HJURP: variants seen among roughly 807,000 people sequenced by gnomAD.
HJURP encodes 14-3-3-associated AKT substrate.
A neutral mutation model predicts 72.0 loss-of-function variants in HJURP; 49 were observed. The observed-to-expected ratio is 0.68, with a 90% CI of 0.54 to 0.86. HJURP has a LOEUF of 0.86. Ranked by LOEUF, HJURP falls within the 40% of genes least tolerant of loss-of-function variation. The pLI is 0.00. For synonymous variants in HJURP, 357 were observed against 347.1 expected, an observed-to-expected ratio of 1.03 and a Z score of -0.32; for missense variants, 908 against 936.3, an observed-to-expected ratio of 0.97 and a Z score of 0.39.
At chr2:233,850,011 A>G in intron 3 of HJURP, 152 bp from the exon 4 acceptor site, 2 of 612,954 alleles carry the variant, frequency 3.3e-6, no homozygotes, top group South Asian at 1.9e-5. Flanking sequence ...TGTCCACTTT[A>G]TAAGAGGCCT....
rs1005049958 is a variant in HJURP at position 233,837,768 on chromosome 2, A to G, written c.2172-116T>C. The G allele has an allele frequency of 1.6e-5, 11 of 691,542 alleles. No homozygotes were observed. In the African/African-American group the frequency reaches 2.0e-4, roughly 12 times the overall value. 42.8% of individuals were successfully genotyped at this position (691,542 alleles called of 1,614,324 possible). ...TTCCATTGCATGTATAAAAATACTT[A>G]TAGAAAGTGGCATTACGTTAAATAA... On this transcript the variant is annotated intron_variant, in intron 8 of 8. Transcript: ENST00000411486.
intron 5 of HJURP, among the ~76,000 whole-genome samples, chr2:233,847,063 C>T (rs779788913): frequency 1.3e-5 from 2 of 152,190 alleles, no homozygotes; most frequent in African/African-American, 4.8e-5. Context: ...GGAGACTGAC[C>T]GAGAGCCCAG....
Position 233,847,469 on chromosome 2 carries a change from T to C in HJURP, c.338-8A>G, listed in dbSNP as rs758251793. 6.8e-6 allele frequency: 11 copies of C among 1,612,520 alleles called. No homozygotes were observed. The highest frequency in any genetic ancestry group is 9.3e-6 in the Non-Finnish European group (11 of 1,178,522). On this transcript the variant is annotated splice_polypyrimidine_tract_variant and splice_region_variant and intron_variant, in intron 4 of 8. Coordinates refer to ENST00000411486, the MANE Select transcript of HJURP (RefSeq NM_018410.5). ...CCTCACCGCTTTTTGAATCTAAAAG[T>C]CAAACAAGTAAATCTCAATCAGGAT...
intron 8 of HJURP, among the ~76,000 whole-genome samples, chr2:233,840,242 A>T (rs1221977900): frequency 2.0e-5 from 3 of 152,204 alleles, no homozygotes. Context: ...TTCGCCTTAC[A>T]ACAGCTATTT....
chr2:233,844,410 G>T, intron 6 of HJURP, 127 bp from the exon 7 acceptor site: 1 of 709,962 alleles, frequency 1.4e-6, no homozygotes. Context: ...GCGTGTGAAT[G>T]TGGTGACAGT....
intron 7 of HJURP, among the ~76,000 whole-genome samples, chr2:233,843,433 C>T (rs1705281008): frequency 6.6e-6 from 1 of 152,150 alleles, no homozygotes; most frequent in African/African-American, 2.4e-5. Flanking sequence ...GACAGACTGA[C>T]CAAATGTTCT....
At chr2:233,854,325 C>T (rs1705565577) in intron 1 of HJURP, 59 bp downstream of exon 1, 1 of 1,267,194 alleles carries the variant, frequency 7.9e-7, no homozygotes, top group Non-Finnish European at 1.1e-6. Context: ...CCTACGTCCC[C>T]TCCCAGCCTC....
At chr2:233,852,672 T>C in intron 2 of HJURP, 52 bp from the exon 3 acceptor site, 1 of 1,310,776 alleles carries the variant, frequency 7.6e-7, no homozygotes, top group Non-Finnish European at 1.1e-6. Flanking sequence ...ACGCTGAACT[T>C]CTGCTCAATC....
chr2:233,848,334 G>A (rs1357765722), intron 4 of HJURP, among the ~76,000 whole-genome samples: 1 of 152,216 alleles, frequency 6.6e-6, no homozygotes, highest in Non-Finnish European at 1.5e-5. Flanking sequence ...CCCGGGGGCA[G>A]CAAGGAGGCC....
At chr2:233,845,905 T>C in intron 5 of HJURP, 85 bp from the exon 6 acceptor site, 2 of 826,528 alleles carry the variant, frequency 2.4e-6, no homozygotes, top group Admixed American at 2.0e-5. Context: ...GGCAAGCTCA[T>C]TAATGTACAA....
rs777716149 is a variant in HJURP, at chr2:233,854,501, C to T, written c.-1G>A. The T allele has an allele frequency of 3.1e-6, 5 of 1,607,824 alleles. No homozygotes were observed. Among genetic ancestry groups the T allele is most frequent in the Non-Finnish European group, 3.4e-6 (4 of 1,176,508 alleles). ...CCATGGCGCGCAGCGTACCCAGCAT[C>T]GGACCCAGCCAGTACCCAAGCGCCA... On this transcript the variant is annotated 5_prime_UTR_variant, in exon 1 of 9. Coordinates refer to ENST00000411486, the MANE Select transcript of HJURP (RefSeq NM_018410.5).
chr2:233,846,031 A>AC lies in HJURP; in HGVS notation c.403-212_403-211insG, dbSNP rs397687348. The AC allele has an allele frequency of 7.4e-3, 3,640 of 491,950 alleles. 110 individuals carry two copies. The highest frequency in any genetic ancestry group is 0.061 in the African/African-American group (3,187 of 51,870). 30.5% of individuals were successfully genotyped at this position (491,950 alleles called of 1,614,324 possible). On this transcript the variant is annotated intron_variant, in intron 5 of 8. Coordinates refer to ENST00000411486, the MANE Select transcript of HJURP (RefSeq NM_018410.5). This position sits in a 1 kb window ranked among gnomAD's most constrained non-coding sequence, Gnocchi z 4.3. The stretch of plus-strand genomic sequence containing the variant: ...AGAATGTAAAAAGACACACACACAC[A>AC]AAAAAACCATGTCTAGAGAAGTTTA...
At chr2:233,853,506 G>A (rs1705544878) in intron 2 of HJURP, among the ~76,000 whole-genome samples, 1 of 152,156 alleles carries the variant, frequency 6.6e-6, no homozygotes, top group South Asian at 2.1e-4. Flanking sequence ...CAACACCCAC[G>A]CCCAGGAGAC....
rs142605807 is a variant in HJURP at position 233,841,677 on chromosome 2, T to C, written c.1103A>G (p.His368Arg). Residue 368 changes from histidine to arginine, a missense_variant, in exon 8 of 9, where the codon CAT (histidine) becomes CGT (arginine). His to Arg is a conservative substitution (Grantham distance 29). Around this residue, in one of 3 missense-constraint regions of HJURP, gnomAD observed 598 missense variants for 619.5 expected, o/e 0.97. Transcript: ENST00000411486. The part of the protein sequence containing the change: ...AFLEVNRPQI[H>R]KLDPSWKERK... ...CTCCTTCCAACTTGGATCTAACTTA[T>C]GGATTTGGGGTCTGTTGACTTCAAG... The C allele has an allele frequency of 1.9e-5, 31 of 1,614,102 alleles. No individual in the cohort carries two copies. In the African/African-American group the frequency reaches 2.4e-4, roughly 13 times the overall value.
At position 233,841,737 on chromosome 2, in the gene HJURP, C is replaced by A. The variant is rs1307356735; in HGVS notation, c.1043G>T (p.Cys348Phe). The A allele has an allele frequency of 6.2e-7, 1 of 1,614,198 alleles. No homozygotes were observed. Among genetic ancestry groups the A allele is most frequent in the Non-Finnish European group, 8.5e-7 (1 of 1,180,046 alleles). Residue 348 changes from cysteine (C) to phenylalanine (F), a missense_variant, in exon 8 of 9, where the codon TGC becomes TTC. Transcript: ENST00000411486. ...TTCCAATTTTAAACCTGTCTTACGG[C>A]AAGAAACATCTAATACGTTCTTGCA... ...RDCKNVLDVS[C>F]RKTGLKLEKA... is the part of the protein sequence containing the mutation.
At chr2:233,852,386 T>A (rs1427997267) in intron 3 of HJURP, among the ~76,000 whole-genome samples, 179 bp downstream of exon 3, 1 of 152,176 alleles carries the variant, frequency 6.6e-6, no homozygotes, top group Non-Finnish European at 1.5e-5. Flanking sequence ...TCCTTGCACT[T>A]GACAAGCTAC....
At chr2:233,851,992 C>T (rs963888660) in intron 3 of HJURP, among the ~76,000 whole-genome samples, 4 of 152,120 alleles carry the variant, frequency 2.6e-5, no homozygotes, top group South Asian at 4.1e-4. Context: ...TGGATGCCCC[C>T]GTAGAAAGGC....
chr2:233,851,984 G>A (rs1268596653), intron 3 of HJURP, among the ~76,000 whole-genome samples: 7 of 152,154 alleles, frequency 4.6e-5, no homozygotes, highest in Non-Finnish European at 7.3e-5. Context: ...AGGGCTCCTG[G>A]ATGCCCCCGT....
chr2:233,840,398 C>T (rs1370776828), intron 8 of HJURP, among the ~76,000 whole-genome samples: 2 of 152,178 alleles, frequency 1.3e-5, no homozygotes, highest in Admixed American at 6.5e-5. Context: ...TGCTTTACCT[C>T]GATGCATCTT....
Sources: allele counts gnomAD v4.1 joint callset (sites outside exome capture counted in the v4.1 genomes callset), GRCh38; gene constraint gnomAD v4.1.1; regional missense constraint gnomAD v4.1.1; non-coding constraint Gnocchi (gnomAD v3.1); transcripts MANE v1.5; gene names NCBI Gene and HGNC (gene_info 2026-07-23, HGNC 2026-07-21).